RBFOX1: variants seen among roughly 807,000 people sequenced by gnomAD.
The protein encoded by RBFOX1 is RNA binding protein fox-1 homolog 1.
A neutral mutation model predicts 57.7 loss-of-function variants in RBFOX1; 8 were observed. The observed-to-expected ratio is 0.14, with a 90% CI of 0.08 to 0.25. The LOEUF (loss-of-function observed/expected upper bound fraction) is 0.25, where lower values mean the gene tolerates loss of function less well. RBFOX1 is among the 10% of genes least tolerant of loss of function. The pLI is 1.00. For missense variants in RBFOX1, 611 were observed against 548.5 expected, an observed-to-expected ratio of 1.11 and a Z score of -1.14; for synonymous variants, 326 against 222.4, an observed-to-expected ratio of 1.47 and a Z score of -4.15.
At chr16:7,107,559 C>T (rs1452443505) in intron 4 of RBFOX1, among the ~76,000 whole-genome samples, 1 of 152,032 alleles carries the variant, frequency 6.6e-6, no homozygotes, top group Non-Finnish European at 1.5e-5. Flanking sequence ...ACAAACTTGA[C>T]TGTAATCAAG....
chr16:7,475,888 T>C (rs1049947293), intron 4 of RBFOX1, among the ~76,000 whole-genome samples: 1 of 152,222 alleles, frequency 6.6e-6, no homozygotes, highest in African/African-American at 2.4e-5. Context: ...TCCCAGGAAG[T>C]GGGGTAAGAA....
At chr16:5,426,472 G>A (rs1397393443) in intron 1 of RBFOX1, among the ~76,000 whole-genome samples, 11 of 152,220 alleles carry the variant, frequency 7.2e-5, no homozygotes, top group African/African-American at 7.2e-5. Context: ...TGTCAATAAC[G>A]GAGGGTCTGG....
chr16:5,870,895 A>T (rs1005021928), intron 4 of RBFOX1, among the ~76,000 whole-genome samples: 1 of 151,248 alleles, frequency 6.6e-6, no homozygotes, highest in African/African-American at 2.4e-5. Context: ...AGAGACAAAC[A>T]GTTGTAATTT....
intron 2 of RBFOX1, among the ~76,000 whole-genome samples, chr16:5,588,615 C>T (rs1419364073): frequency 6.6e-6 from 1 of 152,160 alleles, no homozygotes; most frequent in Non-Finnish European, 1.5e-5. Flanking sequence ...GGGCAACAGT[C>T]CTCAGCACGT....
intron 3 of RBFOX1, among the ~76,000 whole-genome samples, chr16:5,761,692 T>C (rs1390342156): frequency 6.6e-6 from 1 of 152,130 alleles, no homozygotes; most frequent in African/African-American, 2.4e-5. Flanking sequence ...CCAGCACACA[T>C]AGGAATTATG....
intron 1 of RBFOX1, among the ~76,000 whole-genome samples, chr16:6,239,409 C>T (rs529231811): frequency 2.3e-4 from 35 of 151,542 alleles, no homozygotes; most frequent in African/African-American, 6.8e-4. Flanking sequence ...CATGAATACC[C>T]GTCCCATGGC....
chr16:7,673,687 T>TTGGTGGTGGTGGCAACAAGATGCACAA (rs1555754612), intron 13 of RBFOX1, among the ~76,000 whole-genome samples: 1 of 152,202 alleles, frequency 6.6e-6, no homozygotes, highest in Non-Finnish European at 1.5e-5. Flanking sequence ...CCTCACTCAT[T>TTGGTGGTGGTGGCAACAAGATGCACAA]TGGTGGTGGT....
chr16:5,283,075 C>G (rs922936560), intron 1 of RBFOX1, among the ~76,000 whole-genome samples: 2 of 152,202 alleles, frequency 1.3e-5, no homozygotes, highest in African/African-American at 4.8e-5. Context: ...AGCCAAGATA[C>G]AACGTAGGCT....
intron 4 of RBFOX1, among the ~76,000 whole-genome samples, chr16:7,099,196 A>G: frequency 1.3e-5 from 2 of 151,924 alleles, no homozygotes; most frequent in South Asian, 4.1e-4. Context: ...AAAACTGAGT[A>G]CAAACAATGT....
At chr16:6,865,353 C>G (rs932115679) in intron 3 of RBFOX1, among the ~76,000 whole-genome samples, 1 of 151,930 alleles carries the variant, frequency 6.6e-6, no homozygotes, top group African/African-American at 2.4e-5. Flanking sequence ...AATATGTGTT[C>G]ATTGTAGATA....
chr16:7,152,056 A>G (rs988119216), intron 4 of RBFOX1, among the ~76,000 whole-genome samples: 3 of 152,174 alleles, frequency 2.0e-5, no homozygotes, highest in African/African-American at 7.2e-5. Context: ...GCTCTAGAGT[A>G]TATTGTTGAC....
chr16:5,551,418 C>T (rs1035441100), intron 2 of RBFOX1, among the ~76,000 whole-genome samples: 1 of 152,174 alleles, frequency 6.6e-6, no homozygotes, highest in African/African-American at 2.4e-5. Context: ...ATGCACAGGG[C>T]GATTCCAACA....
chr16:6,236,422 C>A (rs1371634504), intron 1 of RBFOX1, among the ~76,000 whole-genome samples: 1 of 150,306 alleles, frequency 6.7e-6, no homozygotes, highest in Non-Finnish European at 1.5e-5. Context: ...TAAATATTAG[C>A]CTTTATTATG....
At chr16:6,777,312 C>G (rs2079541855) in intron 3 of RBFOX1, among the ~76,000 whole-genome samples, 1 of 152,068 alleles carries the variant, frequency 6.6e-6, no homozygotes, top group Non-Finnish European at 1.5e-5. Context: ...TGCATTTTAG[C>G]AAGGTATTTT....
intron 3 of RBFOX1, among the ~76,000 whole-genome samples, chr16:5,852,360 G>A (rs916061095): frequency 6.6e-6 from 1 of 152,158 alleles, no homozygotes; most frequent in Admixed American, 6.5e-5. Context: ...GTGAGGGAAG[G>A]AACATGAGGC....
chr16:6,783,266 G>A (rs1253260278), intron 3 of RBFOX1, among the ~76,000 whole-genome samples: 5 of 150,742 alleles, frequency 3.3e-5, no homozygotes, highest in African/African-American at 9.7e-5. Context: ...ACTTACTACC[G>A]CCATTTAGTT....
rs113169547 is a variant in RBFOX1 at position 7,438,819 on chromosome 16, T to G, written c.28-79328T>G. On this transcript the variant is annotated intron_variant, in intron 4 of 15. Coordinates refer to ENST00000550418, the MANE Select transcript of RBFOX1 (RefSeq NM_018723.4). ...AGCCTTGATGGGCCCAGGCCCAACC[T>G]AGACTTTCAACCACGCCAAGCAGCT... Among the ~76,000 whole-genome samples the G allele has an allele frequency of 1.2e-3, 183 of 152,300 alleles. 2 individuals carry two copies. Among genetic ancestry groups the G allele is most frequent in the African/African-American group, 4.2e-3 (175 of 41,572 alleles).
intron 2 of RBFOX1, among the ~76,000 whole-genome samples, chr16:6,409,083 T>C (rs2152967108): frequency 6.6e-6 from 1 of 152,244 alleles, no homozygotes; most frequent in East Asian, 1.9e-4. Context: ...TCACAGTCTC[T>C]CCCTACATAC....
Position 6,961,145 on chromosome 16 carries a change from C to CACACACACACACACACACACACACACA in RBFOX1, c.-15-90912_-15-90911insACACACACACACACACACACACACACA, listed in dbSNP as rs142889433. Among the ~76,000 whole-genome samples the CACACACACACACACACACACACACACA allele has an allele frequency of 4.8e-3, 687 of 143,634 alleles. 10 individuals carry two copies. Among genetic ancestry groups the CACACACACACACACACACACACACACA allele is most frequent in the African/African-American group, 8.8e-3 (339 of 38,494 alleles). 94.2% of individuals were successfully genotyped at this position (143,634 alleles called of 152,430 possible). Reference sequence around the variant, plus strand: ...GCAATAGAGACTCCATCACACACACCCACACAGACACACACACGCAAAAGA... The same window carrying CACACACACACACACACACACACACACA: ...GCAATAGAGACTCCATCACACACACCACACACACACACACACACACACACACACACACAGACACACACACGCAAAAGA... On this transcript the variant is annotated intron_variant, in intron 3 of 15. Coordinates refer to ENST00000550418, the MANE Select transcript of RBFOX1 (RefSeq NM_018723.4).
Sources: gnomAD v4.1 joint callset for allele counts (sites outside exome capture counted in the v4.1 genomes callset) on GRCh38, gnomAD v4.1.1 for gene constraint, MANE v1.5 for transcripts, NCBI Gene and HGNC (gene_info 2026-07-23, HGNC 2026-07-21) for gene names.